The following SULT1A1 variants were observed in gnomAD, a reference collection of about 807,000 sequenced individuals.
SULT1A1 encodes sulfotransferase 1A1.
Under a neutral mutation model 36.8 loss-of-function variants are expected in SULT1A1, and 35 were observed. The ratio of observed to expected loss-of-function variants is 0.95; its 90% CI spans 0.73 to 1.26. The LOEUF (loss-of-function observed/expected upper bound fraction) is 1.26, where lower values mean the gene tolerates loss of function less well. Among genes scored for constraint, SULT1A1 ranks in the 50% most tolerant of loss-of-function variants. The pLI, the probability that SULT1A1 is intolerant of heterozygous loss-of-function variation, is 0.00. For synonymous variants in SULT1A1, 119 were observed against 146.0 expected, an observed-to-expected ratio of 0.82 and a Z score of 1.33; for missense variants, 309 against 383.0, an observed-to-expected ratio of 0.81 and a Z score of 1.61.
At chr16:28,620,597 A>C (rs2047632519) in intron 1 of SULT1A1, among the ~76,000 whole-genome samples, 2 of 150,138 alleles carry the variant, frequency 1.3e-5, no homozygotes, top group South Asian at 2.1e-4. Flanking sequence ...CATAGTCTCC[A>C]CTCTAAAACT....
At chr16:28,623,147 G>C in exon 1 of SULT1A1, 1 of 1,544,550 alleles carries the variant, frequency 6.5e-7, no homozygotes, top group African/African-American at 1.4e-5. Context: ...AGAAGGCCGA[G>C]ACCGCGATGG....
chr16:28,616,172 G>A (rs1031297435), intron 2 of SULT1A1, among the ~76,000 whole-genome samples: 2 of 152,160 alleles, frequency 1.3e-5, no homozygotes, highest in African/African-American at 4.8e-5. Flanking sequence ...TCCTATCTGT[G>A]TATGGCCTGG....
intron 1 of SULT1A1, chr16:28,609,118 T>C (rs1004844765): frequency 7.0e-7 from 1 of 1,425,740 alleles, no homozygotes; most frequent in Admixed American, 2.8e-5. Context: ...TGCAGACCAG[T>C]GAAAGCACCC....
Position 28,606,250 on chromosome 16 carries a change from G to A in SULT1A1, c.595-14C>T, listed in dbSNP as rs1341100990. ...CCTTTTCGGGTTCTGAGCAGCAGAG[G>A]GCCCCTCAGTGGAGGCTCGGATTAC... On this transcript the variant is annotated splice_polypyrimidine_tract_variant and intron_variant, in intron 6 of 7. Transcript: ENST00000314752. 8.1e-6 allele frequency: 13 copies of A among 1,611,016 alleles called. No individual in the cohort carries two copies. The highest frequency in any genetic ancestry group is 2.2e-5 in the East Asian group (1 of 44,858).
chr16:28,621,385 G>A (rs368378957), intron 1 of SULT1A1, among the ~76,000 whole-genome samples: 6 of 149,162 alleles, frequency 4.0e-5, no homozygotes, highest in African/African-American at 1.5e-4. Flanking sequence ...GGTAGGCTGA[G>A]GCAGGAGGAT....
intron 1 of SULT1A1, chr16:28,609,085 A>G (rs1317732517): frequency 1.4e-6 from 2 of 1,445,154 alleles, no homozygotes; most frequent in African/African-American, 1.4e-5. Flanking sequence ...GAGCTGTTCA[A>G]AATCCCAGGG....
chr16:28,610,905 A>T (rs2047427006), upstream of SULT1A1: 1 of 152,210 alleles, frequency 6.6e-6, no homozygotes, highest in Non-Finnish European at 1.5e-5. Context: ...ATCTGAGTAA[A>T]GGTGAATCTC....
At chr16:28,621,573 G>T (rs1477800711) in intron 1 of SULT1A1, among the ~76,000 whole-genome samples, 2 of 149,782 alleles carry the variant, frequency 1.3e-5, no homozygotes, top group Admixed American at 6.7e-5. Context: ...GGATTAAATA[G>T]CATTCTGGTC....
In SULT1A1 at chr16:28,623,119, C is replaced by A. The variant is rs552285207; in HGVS notation, c.67+12G>T. ...TGGTCCCACCCCCCAGGTTCCCCCCCCGGCCCCTCACCGGCGTAGAAGGCC... is the reference window on the plus strand; with the variant it reads ...TGGTCCCACCCCCCAGGTTCCCCCCACGGCCCCTCACCGGCGTAGAAGGCC... On this transcript the variant is annotated intron_variant, in intron 1 of 5. Coordinates refer to the SULT1A1 transcript ENST00000350842. 55 of 1,546,108 alleles carry A rather than the reference C, an allele frequency of 3.6e-5. No homozygotes were observed. In the South Asian group the frequency reaches 4.7e-4, roughly 13 times the overall value.
At chr16:28,622,491 G>A (rs2047676285) in intron 1 of SULT1A1, among the ~76,000 whole-genome samples, 1 of 152,120 alleles carries the variant, frequency 6.6e-6, no homozygotes, top group South Asian at 2.1e-4. Context: ...AAGGTCCCTT[G>A]ATGTTTTCCG....
At chr16:28,610,111 G>C (rs1343498158), upstream of SULT1A1, 5 of 1,284,740 alleles carry the variant, frequency 3.9e-6, no homozygotes, top group Non-Finnish European at 5.1e-6. Context: ...GGTTGGGGGT[G>C]GGGGAGCTTC....
intron 1 of SULT1A1, chr16:28,609,079 T>G: frequency 6.9e-7 from 1 of 1,446,324 alleles, no homozygotes; most frequent in Non-Finnish European, 9.2e-7. Flanking sequence ...CCTGCGGAGC[T>G]GTTCAAAATC....
rs1302814414 is a variant in SULT1A1 at position 28,609,982 on chromosome 16, T to G, written c.-56A>C. 7.8e-7 allele frequency: 1 copy of G among 1,287,832 alleles called. No homozygotes were observed. Among genetic ancestry groups the G allele is most frequent in the African/African-American group, 1.5e-5 (1 of 65,776 alleles). The allele number at this position is 1,287,832 out of a possible 1,614,324, so 79.8% of individuals were successfully genotyped here. On this transcript the variant is annotated 5_prime_UTR_variant, in exon 1 of 8. Coordinates refer to ENST00000314752, the MANE Select transcript of SULT1A1 (RefSeq NM_001055.4). ...GCCCTCCTCGCCCGCAGTGGCTGATTGTGGGTGTTGTGTGGGGAATGCAGG... is the reference window on the plus strand; with the variant it reads ...GCCCTCCTCGCCCGCAGTGGCTGATGGTGGGTGTTGTGTGGGGAATGCAGG...
At chr16:28,607,430 T>A in intron 4 of SULT1A1, 1 of 250,698 alleles carries the variant, frequency 4.0e-6, no homozygotes, top group Non-Finnish European at 8.0e-6. Context: ...CTTACGTTCT[T>A]GGTCATCAGA....
intron 1 of SULT1A1, among the ~76,000 whole-genome samples, chr16:28,621,005 G>A (rs1483346010): frequency 6.6e-6 from 1 of 151,992 alleles, no homozygotes; most frequent in African/African-American, 2.4e-5. Flanking sequence ...AGCTTCTCGA[G>A]AAGCTGAGGC....
intron 2 of SULT1A1, among the ~76,000 whole-genome samples, chr16:28,616,863 G>T (rs1177685331): frequency 6.6e-6 from 1 of 152,098 alleles, no homozygotes; most frequent in Non-Finnish European, 1.5e-5. Context: ...ATTCCAAGTT[G>T]CTCAACAAAT....
intron 1 of SULT1A1, chr16:28,623,097 T>TGCC: frequency 2.2e-6 from 3 of 1,391,250 alleles, no homozygotes; most frequent in South Asian, 1.3e-5. Context: ...CCAATACTGG[T>TGCC]CCCACCCCCC....
At chr16:28,606,666 G>A (rs2047202744) in intron 6 of SULT1A1, 95 bp downstream of exon 6, 4 of 1,547,646 alleles carry the variant, frequency 2.6e-6, no homozygotes, top group East Asian at 2.3e-5. Context: ...TGCTGTGGGG[G>A]CTGCCCAGGG....
chr16:28,610,275 T>TG (rs2047401067), upstream of SULT1A1: 8 of 1,112,790 alleles, frequency 7.2e-6, no homozygotes, highest in South Asian at 1.5e-5. Context: ...TTTTTTTTTT[T>TG]TTTTTTTTTT....
Sources: allele counts gnomAD v4.1 joint callset (sites outside exome capture counted in the v4.1 genomes callset), GRCh38; gene constraint gnomAD v4.1.1; transcripts MANE v1.5; gene names NCBI Gene and HGNC (gene_info 2026-07-23, HGNC 2026-07-21).